Variants in DNMBP observed in about 807,000 individuals in gnomAD.
DNMBP encodes dynamin-binding protein.
Under a neutral mutation model 150.0 loss-of-function variants are expected in DNMBP, and 87 were observed. The ratio of observed to expected loss-of-function variants is 0.58; its 90% CI spans 0.49 to 0.69. DNMBP has a LOEUF of 0.69. DNMBP is among the 30% of genes least tolerant of loss of function. The probability of loss-of-function intolerance (pLI) is 0.00; values close to 1 mark genes in which losing one functional copy is unlikely to be tolerated. For missense variants in DNMBP, 1,774 were observed against 1,949.0 expected, an observed-to-expected ratio of 0.91 and a Z score of 1.69; for synonymous variants, 711 against 750.4, an observed-to-expected ratio of 0.95 and a Z score of 0.86.
In DNMBP at chr10:99,886,352, GC is replaced by G. The variant is rs1230291487; in HGVS notation, c.3565del (p.Ala1189ProfsTer13). 6.2e-7 allele frequency: 1 copy of G among 1,614,062 alleles called. No individual in the cohort carries two copies. The highest frequency in any genetic ancestry group is 8.5e-7 in the Non-Finnish European group (1 of 1,180,026). ...AGCCTGGTGCACAAAGTCACAGTGG[GC>G]TTCAGCATAGCCGTGGACACAGTTG... The part of the protein sequence containing the change: ...FTNCVHGYAE[A>X]HCDFVHQALE... On this transcript the variant is annotated frameshift_variant, in exon 13 of 17. Coordinates refer to ENST00000324109, the MANE Select transcript of DNMBP (RefSeq NM_015221.4). LOFTEE classifies it high-confidence loss of function.
In DNMBP at chr10:99,956,687, C is replaced by A; in HGVS notation, c.787G>T (p.Asp263Tyr). Residue 263 changes from aspartate (D) to tyrosine (Y), a missense_variant, in exon 4 of 17, where the codon GAT becomes TAT. By Grantham distance (160) the Asp-to-Tyr change is radical. This residue lies in a region of DNMBP where 344 missense variants were observed against 456.6 expected (regional missense o/e 0.75). Transcript: ENST00000324109. Reference sequence around the variant, plus strand: ...CGGATTTTATCCCCGACCTCGAAATCCAGCTCATTTGGCTCCAGGGCTTGG... The same window carrying A: ...CGGATTTTATCCCCGACCTCGAAATACAGCTCATTTGGCTCCAGGGCTTGG... ...RFQALEPNEL[D>Y]FEVGDKIRIL... The A allele has an allele frequency of 2.5e-6, 4 of 1,613,674 alleles. No homozygotes were observed. The highest frequency in any genetic ancestry group is 3.4e-6 in the Non-Finnish European group (4 of 1,179,620).
intron 15 of DNMBP, among the ~76,000 whole-genome samples, chr10:99,881,313 G>A (rs2039364162): frequency 6.6e-6 from 1 of 152,142 alleles, no homozygotes; most frequent in South Asian, 2.1e-4. Context: ...TTTGCTCTGA[G>A]AGTCTGGATA....
chr10:99,992,009 G>T (rs1024466851), intron 1 of DNMBP, among the ~76,000 whole-genome samples: 44 of 152,142 alleles, frequency 2.9e-4, no homozygotes, highest in Non-Finnish European at 6.0e-4. Flanking sequence ...AGGCCAAGGG[G>T]GCAGATGGCT....
intron 4 of DNMBP, among the ~76,000 whole-genome samples, chr10:99,938,503 C>T (rs2040258073): frequency 6.6e-6 from 1 of 152,134 alleles, no homozygotes; most frequent in African/African-American, 2.4e-5. Flanking sequence ...AAGATGGGTG[C>T]CACTGCATTC....
At chr10:99,895,427 C>T (rs2039638751) in intron 10 of DNMBP, among the ~76,000 whole-genome samples, 1 of 152,186 alleles carries the variant, frequency 6.6e-6, no homozygotes, top group Non-Finnish European at 1.5e-5. Context: ...CACGCCCAGC[C>T]AAAAGTAGCT....
chr10:99,895,720 A>T (rs2039642834), intron 10 of DNMBP, among the ~76,000 whole-genome samples: 2 of 152,224 alleles, frequency 1.3e-5, no homozygotes, highest in African/African-American at 4.8e-5. Context: ...GGCTCAGGTC[A>T]ACATGACTCT....
intron 1 of DNMBP, among the ~76,000 whole-genome samples, chr10:100,008,706 TC>T (rs1183000163): frequency 6.6e-6 from 1 of 152,174 alleles, no homozygotes; most frequent in Non-Finnish European, 1.5e-5. Flanking sequence ...ACCTTAGAGA[TC>T]CTTTAATTCA....
chr10:99,985,753 T>G (rs2040821272), intron 1 of DNMBP, among the ~76,000 whole-genome samples: 1 of 152,162 alleles, frequency 6.6e-6, no homozygotes, highest in Non-Finnish European at 1.5e-5. Context: ...ATGAATAATT[T>G]CTTCTCTTTG....
At chr10:99,905,955 G>A (rs745809706) in intron 6 of DNMBP, among the ~76,000 whole-genome samples, 10 of 152,186 alleles carry the variant, frequency 6.6e-5, no homozygotes, top group Non-Finnish European at 1.2e-4. Flanking sequence ...GGATAACAAT[G>A]TGAGACCCTG....
intron 1 of DNMBP, among the ~76,000 whole-genome samples, chr10:99,980,326 A>G (rs1390498413): frequency 6.6e-6 from 1 of 152,062 alleles, no homozygotes; most frequent in East Asian, 1.9e-4. Context: ...GCATGCCTAC[A>G]ATCCCAGCTA....
Position 99,877,017 on chromosome 10 carries a change from T to A in DNMBP, c.*134A>T. 2 of 691,250 alleles carry A rather than the reference T, an allele frequency of 2.9e-6. No homozygotes were observed. Among genetic ancestry groups the A allele is most frequent in the Non-Finnish European group, 4.8e-6 (2 of 413,814 alleles). 42.8% of individuals were successfully genotyped at this position (691,250 alleles called of 1,614,324 possible). On this transcript the variant is annotated 3_prime_UTR_variant, in exon 17 of 17. Coordinates refer to ENST00000324109, the MANE Select transcript of DNMBP (RefSeq NM_015221.4). ...ATCGAGGAGAACAAGATCTGTGGTGTGCTCCACCATGCCATGGTTAAGCAA... is the reference window on the plus strand; with the variant it reads ...ATCGAGGAGAACAAGATCTGTGGTGAGCTCCACCATGCCATGGTTAAGCAA...
At chr10:99,891,257 C>T (rs2039554825) in intron 11 of DNMBP, among the ~76,000 whole-genome samples, 1 of 148,756 alleles carries the variant, frequency 6.7e-6, no homozygotes, top group Admixed American at 6.7e-5. Flanking sequence ...TGTACTGCTG[C>T]CATCTCGGCT....
intron 12 of DNMBP, among the ~76,000 whole-genome samples, chr10:99,888,493 G>A (rs1400227575): frequency 3.9e-5 from 6 of 152,208 alleles, no homozygotes; most frequent in Admixed American, 6.5e-5. Context: ...TTACAGGCAT[G>A]AGCCACTGTG....
chr10:99,893,558 A>G (rs192914669), intron 11 of DNMBP, among the ~76,000 whole-genome samples: 1 of 152,194 alleles, frequency 6.6e-6, no homozygotes, highest in Non-Finnish European at 1.5e-5. Flanking sequence ...ACATGATGAC[A>G]CCCCGTCTCT....
At chr10:99,928,988 TAAA>T (rs987160103) in intron 4 of DNMBP, among the ~76,000 whole-genome samples, 5 of 151,294 alleles carry the variant, frequency 3.3e-5, no homozygotes, top group Admixed American at 6.6e-5. Flanking sequence ...TACAAAAAAA[TAAA>T]AAAGTAGCCG....
At chr10:99,962,487 C>T (rs374500289) in intron 3 of DNMBP, among the ~76,000 whole-genome samples, 16 of 152,112 alleles carry the variant, frequency 1.1e-4, no homozygotes, top group African/African-American at 3.6e-4. Context: ...AAACGTTAGC[C>T]GGGTGTGGTG....
At chr10:99,896,023 CCCA>C (rs1459485544) in intron 10 of DNMBP, among the ~76,000 whole-genome samples, 1 of 152,122 alleles carries the variant, frequency 6.6e-6, no homozygotes, top group Non-Finnish European at 1.5e-5. Flanking sequence ...ATAGTTTTGT[CCCA>C]CCAAATCAAT....
chr10:99,887,893 C>T (rs566869765), intron 12 of DNMBP, among the ~76,000 whole-genome samples: 9 of 150,834 alleles, frequency 6.0e-5, no homozygotes, highest in East Asian at 2.0e-4. Context: ...GGCATGATCT[C>T]GGCTCACCAT....
At chr10:100,001,955 G>A (rs147367382) in intron 1 of DNMBP, among the ~76,000 whole-genome samples, 11 of 152,216 alleles carry the variant, frequency 7.2e-5, no homozygotes, top group African/African-American at 1.7e-4. Context: ...GTTTGTGCAC[G>A]GAGGCTCCCT....
Sources: gnomAD v4.1 joint callset for allele counts (sites outside exome capture counted in the v4.1 genomes callset) on GRCh38, gnomAD v4.1.1 for gene constraint, gnomAD v4.1.1 regional missense constraint, MANE v1.5 for transcripts, NCBI Gene and HGNC (gene_info 2026-07-23, HGNC 2026-07-21) for gene names.